The following SH2D4A variants were observed in gnomAD, a reference collection of about 807,000 sequenced individuals.
SH2D4A encodes the protein SH2 domain containing 4A.
A neutral mutation model predicts 64.7 loss-of-function variants in SH2D4A; 70 were observed. That is an observed-to-expected ratio of 1.08 (90% CI 0.89 to 1.32). The LOEUF (loss-of-function observed/expected upper bound fraction) is 1.32. SH2D4A is among the 40% of genes most tolerant of loss of function. SH2D4A has a pLI of 0.00. For synonymous variants in SH2D4A, 268 were observed against 200.7 expected, an observed-to-expected ratio of 1.34 and a Z score of -2.83; for missense variants, 706 against 540.1, an observed-to-expected ratio of 1.31 and a Z score of -3.04.
intron 8 of SH2D4A, among the ~76,000 whole-genome samples, chr8:19,380,934 A>T (rs1255137827): frequency 6.6e-6 from 1 of 152,106 alleles, no homozygotes; most frequent in African/African-American, 2.4e-5. Context: ...TAGGGATTGC[A>T]TTGAATCTGT....
chr8:19,351,184 C>T (rs2052698520), intron 4 of SH2D4A, among the ~76,000 whole-genome samples: 1 of 152,154 alleles, frequency 6.6e-6, no homozygotes, highest in South Asian at 2.1e-4. Context: ...GGGAAACTGC[C>T]TTTTTGTTTA....
intron 4 of SH2D4A, among the ~76,000 whole-genome samples, chr8:19,336,363 G>C (rs1020223916): frequency 6.6e-6 from 1 of 152,184 alleles, no homozygotes; most frequent in Non-Finnish European, 1.5e-5. Flanking sequence ...TTTAGGAAGA[G>C]AAAATTCTAA....
At position 19,313,832 on chromosome 8, in the gene SH2D4A, T is replaced by A; in HGVS notation, c.-205+9T>A. 1 of 1,482,586 alleles carries A rather than the reference T, an allele frequency of 6.7e-7. No homozygotes were observed. Among genetic ancestry groups the A allele is most frequent in the South Asian group, 1.3e-5 (1 of 79,182 alleles). The allele number at this position is 1,482,586 out of a possible 1,614,324, so 91.8% of individuals were successfully genotyped here. ...AGGGGCGCCCAGCACTGGTAGGTGC[T>A]GGGGGTGGGGCGAGGCTTTGGGGAG... On this transcript the variant is annotated intron_variant, in intron 1 of 9. Coordinates refer to ENST00000265807, the MANE Select transcript of SH2D4A (RefSeq NM_022071.4).
chr8:19,329,690 T>A (rs1250645227), intron 2 of SH2D4A, among the ~76,000 whole-genome samples: 1 of 152,230 alleles, frequency 6.6e-6, no homozygotes, highest in Non-Finnish European at 1.5e-5. Flanking sequence ...TCCCCCATAC[T>A]GTTCTCATGG....
chr8:19,391,981 C>G (rs1390966364), intron 8 of SH2D4A, among the ~76,000 whole-genome samples: 1 of 152,198 alleles, frequency 6.6e-6, no homozygotes, highest in Non-Finnish European at 1.5e-5. Context: ...GCTCCTCCCT[C>G]CCAGATCTCA....
At chr8:19,350,287 C>T (rs369256059) in intron 4 of SH2D4A, among the ~76,000 whole-genome samples, 39 of 152,164 alleles carry the variant, frequency 2.6e-4, no homozygotes, top group African/African-American at 9.2e-4. Context: ...CAACCTGCAC[C>T]AGCTCTGCAT....
chr8:19,314,365 C>T (rs1043035118), intron 1 of SH2D4A, among the ~76,000 whole-genome samples: 3 of 152,190 alleles, frequency 2.0e-5, no homozygotes, highest in East Asian at 1.9e-4. Context: ...CAGCACGTTC[C>T]CCGCGCACCG....
At chr8:19,390,850 C>T (rs2410611) in intron 8 of SH2D4A, among the ~76,000 whole-genome samples, 37,467 of 152,022 alleles carry the variant, frequency 0.25, 5,699 homozygotes, top group East Asian at 0.78. Flanking sequence ...ACAGTCACTA[C>T]GACCTCATTT....
chr8:19,324,873 G>A (rs138601094), intron 2 of SH2D4A, among the ~76,000 whole-genome samples: 19 of 152,176 alleles, frequency 1.2e-4, no homozygotes, highest in African/African-American at 3.4e-4. Flanking sequence ...AGATCCTAGG[G>A]TAAGGTGAAA....
intron 4 of SH2D4A, among the ~76,000 whole-genome samples, chr8:19,353,970 C>T (rs1050749746): frequency 4.7e-5 from 7 of 149,290 alleles, no homozygotes; most frequent in Non-Finnish European, 7.4e-5. Flanking sequence ...AAGGATTCAT[C>T]TCTCGAGTGG....
In SH2D4A at chr8:19,379,112, C is replaced by T. The variant is rs532994368; in HGVS notation, c.1048+5452C>T. On this transcript the variant is annotated intron_variant, in intron 8 of 9. Coordinates refer to ENST00000265807, the MANE Select transcript of SH2D4A (RefSeq NM_022071.4). ...AAAAAAATTTCTACAGCTATTACCA[C>T]CATCCATCTGCAGAAGTTATTTCAC... Among the ~76,000 whole-genome samples the T allele has an allele frequency of 1.0e-3, 155 of 151,610 alleles. 1 individual carries two copies. Among genetic ancestry groups the T allele is most frequent in the Non-Finnish European group, 1.9e-3 (131 of 67,822 alleles).
At position 19,332,995 on chromosome 8, in the gene SH2D4A, G is replaced by C. The variant is rs745385733; in HGVS notation, c.222G>C (p.Lys74Asn). Residue 74 changes from lysine (K) to asparagine (N), a missense_variant, in exon 3 of 10, where the codon AAG (lysine) becomes AAC (asparagine). By Grantham distance (94) the Lys-to-Asn change is moderately conservative (BLOSUM62 0). Transcript: ENST00000265807. The stretch of plus-strand genomic sequence containing the variant: ...TTCATTGGAAACTTGGAGCTGATAA[G>C]GAAGTCTGGGTATGGGTGATGGGCG... ...KSVHWKLGAD[K>N]EVWVWVMGEH... The C allele has an allele frequency of 1.7e-5, 27 of 1,613,782 alleles. No individual in the cohort carries two copies. In the South Asian group the frequency reaches 3.0e-4, roughly 18 times the overall value.
chr8:19,357,077 G>A (rs950385039), intron 4 of SH2D4A, 126 bp from the exon 5 acceptor site: 3 of 717,104 alleles, frequency 4.2e-6, no homozygotes, highest in Non-Finnish European at 7.3e-6. Context: ...GCCAGTGGGA[G>A]CCTTGGGTGG....
At chr8:19,350,618 G>T (rs551478559) in intron 4 of SH2D4A, among the ~76,000 whole-genome samples, 1 of 152,042 alleles carries the variant, frequency 6.6e-6, no homozygotes, top group East Asian at 1.9e-4. Flanking sequence ...CGAGTAGCTG[G>T]AACTACAGGC....
chr8:19,333,260 G>T (rs1563188511), intron 3 of SH2D4A, 146 bp downstream of exon 3: 1 of 872,650 alleles, frequency 1.1e-6, no homozygotes. Context: ...TCTTTGGAAG[G>T]TTGATTTAGA....
chr8:19,313,982 C>G, intron 1 of SH2D4A, 159 bp downstream of exon 1: 4 of 1,252,576 alleles, frequency 3.2e-6, no homozygotes, highest in Non-Finnish European at 4.0e-6. Flanking sequence ...TTCGCGGCGC[C>G]CGGGGCGGGC....
intron 1 of SH2D4A, among the ~76,000 whole-genome samples, chr8:19,318,878 C>T (rs1039453481): frequency 6.6e-6 from 1 of 152,030 alleles, no homozygotes; most frequent in African/African-American, 2.4e-5. Flanking sequence ...GAGCATGGCT[C>T]TATTTTGGTT....
chr8:19,329,227 C>T (rs138511430), intron 2 of SH2D4A, among the ~76,000 whole-genome samples: 42 of 152,330 alleles, frequency 2.8e-4, no homozygotes, highest in Non-Finnish European at 5.1e-4. Context: ...TCGTATTTCT[C>T]TTCTGTCTTT....
At chr8:19,368,279 G>T (rs1172137320) in intron 7 of SH2D4A, among the ~76,000 whole-genome samples, 1 of 152,144 alleles carries the variant, frequency 6.6e-6, no homozygotes, top group Non-Finnish European at 1.5e-5. Context: ...ATATTTTAAA[G>T]TCATTTAGTG....
Sources: allele counts gnomAD v4.1 joint callset (sites outside exome capture counted in the v4.1 genomes callset), GRCh38; gene constraint gnomAD v4.1.1; transcripts MANE v1.5; gene names NCBI Gene and HGNC (gene_info 2026-07-23, HGNC 2026-07-21).